The following THSD7B variants were observed in gnomAD, a reference collection of about 807,000 sequenced individuals.
THSD7B encodes the protein thrombospondin type 1 domain containing 7B.
A neutral mutation model predicts 213.6 loss-of-function variants in THSD7B; 138 were observed. The observed-to-expected ratio is 0.65, with a 90% confidence interval of 0.56 to 0.74. The LOEUF is 0.74. Among genes scored for constraint, THSD7B ranks in the 30% least tolerant of loss-of-function variants. The probability of loss-of-function intolerance (pLI) is 0.00; values close to 1 mark genes in which losing one functional copy is unlikely to be tolerated. For missense variants in THSD7B, 1,931 were observed against 1,991.5 expected (o/e 0.97, Z 0.58); for synonymous variants, 742 against 687.0 (o/e 1.08, Z -1.25).
At chr2:137,311,788 G>T (rs1433811137) in intron 12 of THSD7B, among the ~76,000 whole-genome samples, 1 of 150,424 alleles carries the variant, frequency 6.6e-6, no homozygotes, top group African/African-American at 2.5e-5. Context: ...CTTTGGTTCT[G>T]TTTATATGCT....
chr2:136,818,751 A>G (rs1490071609), intron 1 of THSD7B, among the ~76,000 whole-genome samples: 1 of 152,164 alleles, frequency 6.6e-6, no homozygotes, highest in Non-Finnish European at 1.5e-5. Context: ...ATGGTATAAT[A>G]AAATGTCACT....
At chr2:137,674,105 A>T (rs1281448146) in intron 27 of THSD7B, among the ~76,000 whole-genome samples, 1 of 152,052 alleles carries the variant, frequency 6.6e-6, no homozygotes, top group Non-Finnish European at 1.5e-5. Flanking sequence ...CTCCCAGGTG[A>T]TAGTATTGTC....
intron 7 of THSD7B, among the ~76,000 whole-genome samples, chr2:137,185,976 C>T (rs774890307): frequency 3.3e-5 from 5 of 152,144 alleles, no homozygotes; most frequent in Non-Finnish European, 5.9e-5. Flanking sequence ...TTGCATTTCT[C>T]TGATGATTAG....
intron 3 of THSD7B, among the ~76,000 whole-genome samples, chr2:137,073,013 T>C (rs1687531117): frequency 6.6e-6 from 1 of 152,176 alleles, no homozygotes; most frequent in South Asian, 2.1e-4. Context: ...TGCCAGTATT[T>C]TATTGAGGAT....
At chr2:137,454,654 T>A (rs1687727612) in intron 15 of THSD7B, among the ~76,000 whole-genome samples, 1 of 152,206 alleles carries the variant, frequency 6.6e-6, no homozygotes, top group African/African-American at 2.4e-5. Flanking sequence ...GCAATTTTCA[T>A]GTTTAAAAAA....
chr2:137,225,661 T>C (rs1681480220), intron 7 of THSD7B, among the ~76,000 whole-genome samples: 1 of 152,210 alleles, frequency 6.6e-6, no homozygotes, highest in Non-Finnish European at 1.5e-5. Context: ...GCATGTGATG[T>C]GGTTAGCTAG....
intron 1 of THSD7B, among the ~76,000 whole-genome samples, chr2:136,767,210 G>T (rs1681416100): frequency 6.6e-6 from 1 of 152,170 alleles, no homozygotes; most frequent in African/African-American, 2.4e-5. Flanking sequence ...CACTTAGGGT[G>T]TTACTAACCA....
Position 137,231,060 on chromosome 2 carries a change from G to C in THSD7B, c.1740G>C (p.Gly580=). 1 of 1,613,380 alleles carries C rather than the reference G, an allele frequency of 6.2e-7. No individual in the cohort carries two copies. Residue 580 remains glycine (G), a synonymous_variant, in exon 8 of 28, where the codon GGG becomes GGC. Transcript: ENST00000409968. ...TGATTGTAGGAGAAGATGTATCAGG[G>C]AGTCTTTGCCCAGTTCCCCCTCCTC... ...CQNDRGEDVS[G]SLCPVPPPPE... is the part of the protein sequence containing the mutation.
intron 12 of THSD7B, among the ~76,000 whole-genome samples, chr2:137,358,747 TC>T (rs1289217023): frequency 1.3e-5 from 2 of 152,138 alleles, no homozygotes; most frequent in Non-Finnish European, 2.9e-5. Flanking sequence ...CAGATCCCCT[TC>T]AGTGCCAAAC....
rs1219737010 is a variant in THSD7B at position 137,286,805 on chromosome 2, G to A, written c.2500+10779G>A. 2.0e-5 allele frequency among the ~76,000 whole-genome samples: 3 copies of A among 152,228 alleles called. No homozygotes were observed. In the East Asian group the frequency reaches 5.8e-4, roughly 29 times the overall value. On this transcript the variant is annotated intron_variant, in intron 12 of 27. Coordinates refer to ENST00000409968, the MANE Select transcript of THSD7B (RefSeq NM_001316349.2). ...GAGCTACCTTATCCACGAGCTATGG[G>A]CATTTCCAGTAGGGGATGCAGAGCA...
intron 1 of THSD7B, among the ~76,000 whole-genome samples, chr2:136,772,703 G>A (rs1386420267): frequency 6.6e-6 from 1 of 152,124 alleles, no homozygotes; most frequent in Non-Finnish European, 1.5e-5. Flanking sequence ...GCTCTTGTCT[G>A]TTGTCTTTGC....
intron 16 of THSD7B, among the ~76,000 whole-genome samples, chr2:137,567,814 C>G (rs1681270254): frequency 1.3e-5 from 2 of 152,126 alleles, no homozygotes; most frequent in Admixed American, 1.3e-4. Flanking sequence ...GTGATAGTAG[C>G]TTTCCAACTG....
At chr2:137,414,091 T>C (rs1185655342) in intron 14 of THSD7B, among the ~76,000 whole-genome samples, 1 of 152,112 alleles carries the variant, frequency 6.6e-6, no homozygotes, top group Non-Finnish European at 1.5e-5. Flanking sequence ...AGGTTAGAAA[T>C]GAAAACATCT....
intron 2 of THSD7B, among the ~76,000 whole-genome samples, chr2:136,887,446 C>T (rs1035455139): frequency 1.3e-5 from 2 of 152,018 alleles, no homozygotes; most frequent in Non-Finnish European, 2.9e-5. Flanking sequence ...GAGGTGGGGT[C>T]AGGTGGCAGG....
intron 12 of THSD7B, among the ~76,000 whole-genome samples, chr2:137,318,133 G>T (rs77942334): frequency 6.6e-6 from 1 of 151,992 alleles, no homozygotes; most frequent in Non-Finnish European, 1.5e-5. Context: ...ACCTACTTTC[G>T]CACATAATTG....
At chr2:137,076,533 C>T (rs1687627241) in intron 3 of THSD7B, among the ~76,000 whole-genome samples, 2 of 152,258 alleles carry the variant, frequency 1.3e-5, no homozygotes, top group South Asian at 2.1e-4. Flanking sequence ...ACCCCTTGTG[C>T]TTCCCGGGTG....
intron 15 of THSD7B, among the ~76,000 whole-genome samples, chr2:137,556,467 A>C (rs1478661126): frequency 1.3e-5 from 2 of 152,176 alleles, no homozygotes; most frequent in African/African-American, 4.8e-5. Context: ...AGGAGAAATA[A>C]AATCCTTTAC....
At chr2:137,355,578 A>G (rs1685108045) in intron 12 of THSD7B, among the ~76,000 whole-genome samples, 1 of 152,194 alleles carries the variant, frequency 6.6e-6, no homozygotes, top group African/African-American at 2.4e-5. Context: ...CCAGAGTATC[A>G]TTAAGATTAA....
intron 10 of THSD7B, among the ~76,000 whole-genome samples, chr2:137,258,414 G>T (rs1174112286): frequency 6.6e-6 from 1 of 152,044 alleles, no homozygotes; most frequent in African/African-American, 2.4e-5. Flanking sequence ...AGCCACACCT[G>T]TGCTGTTGCT....
Sources: gnomAD v4.1 joint callset for allele counts (sites outside exome capture counted in the v4.1 genomes callset) on GRCh38, gnomAD v4.1.1 for gene constraint, MANE v1.5 for transcripts, NCBI Gene and HGNC (gene_info 2026-07-23, HGNC 2026-07-21) for gene names.